Variants in ANXA8 observed in about 807,000 individuals in gnomAD.
The protein encoded by ANXA8 is VAC-beta.
ANXA8 carries 9 observed loss-of-function variants against 26.8 expected under a neutral mutation model. The ratio of observed to expected loss-of-function variants is 0.34; its 90% CI spans 0.20 to 0.59. ANXA8 has a LOEUF of 0.59. Among genes scored for constraint, ANXA8 ranks in the 20% least tolerant of loss-of-function variants. The probability of loss-of-function intolerance (pLI) is 0.84; values close to 1 mark genes in which losing one functional copy is unlikely to be tolerated. For missense variants in ANXA8, 83 were observed against 238.5 expected, an observed-to-expected ratio of 0.35 and a Z score of 4.29; for synonymous variants, 39 against 94.8, an observed-to-expected ratio of 0.41 and a Z score of 3.42.
upstream of ANXA8, among the ~76,000 whole-genome samples, chr10:47,488,790 C>T (rs1392678032): frequency 3.3e-5 from 4 of 122,996 alleles, no homozygotes; most frequent in Admixed American, 1.0e-4. Flanking sequence ...TGCAGTGTCG[C>T]GATCTCGGCT....
the ANXA8 span, among the ~76,000 whole-genome samples, chr10:47,623,270 T>C: frequency 9.1e-6 from 1 of 110,036 alleles, no homozygotes; most frequent in East Asian, 2.2e-4. Context: ...AAATGCCCAA[T>C]GTTTCCACTT....
the ANXA8 span, among the ~76,000 whole-genome samples, chr10:47,589,767 C>T: frequency 1.7e-4 from 25 of 145,206 alleles, 3 homozygotes; most frequent in African/African-American, 7.1e-4. Flanking sequence ...TATTGCTGCC[C>T]ACATTTGCCT....
the ANXA8 span, among the ~76,000 whole-genome samples, chr10:47,554,973 C>A: frequency 6.6e-6 from 1 of 151,522 alleles, no homozygotes; most frequent in East Asian, 2.0e-4. Context: ...CAGCTTCCCC[C>A]TCCCTCCATG....
chr10:47,742,892 C>T, the ANXA8 span, among the ~76,000 whole-genome samples: 1 of 142,772 alleles, frequency 7.0e-6, no homozygotes, highest in African/African-American at 2.6e-5. Flanking sequence ...CAGTGGCTCA[C>T]GCCTGTAATC....
At chr10:47,707,300 A>G in the ANXA8 span, among the ~76,000 whole-genome samples, 29 of 143,840 alleles carry the variant, frequency 2.0e-4, no homozygotes, top group Middle Eastern at 7.0e-3. Flanking sequence ...GTGTTTTTGG[A>G]AAGGACTTCT....
the ANXA8 span, among the ~76,000 whole-genome samples, chr10:47,625,779 T>C: frequency 1.3e-4 from 20 of 150,544 alleles, no homozygotes; most frequent in East Asian, 3.9e-3. Context: ...AAATGTATTG[T>C]TATTCGCCGT....
At chr10:47,481,530 C>T (rs1419003090) in intron 1 of ANXA8, among the ~76,000 whole-genome samples, 11 of 149,010 alleles carry the variant, frequency 7.4e-5, no homozygotes, top group African/African-American at 2.7e-4. Flanking sequence ...CATCTCAGCT[C>T]TCAGTGCCTG....
At chr10:47,485,485 G>A (rs1265572258), upstream of ANXA8, among the ~76,000 whole-genome samples, 1 of 152,132 alleles carries the variant, frequency 6.6e-6, no homozygotes, top group Non-Finnish European at 1.5e-5. Flanking sequence ...CCAAAGCTAA[G>A]ACATTGGCTA....
At chr10:47,743,327 T>TATATATATACATATATATATACAC in the ANXA8 span, among the ~76,000 whole-genome samples, 6 of 40,332 alleles carry the variant, frequency 1.5e-4, 1 homozygote, top group Admixed American at 3.3e-4. Context: ...TATATATATA[T>TATATATATACATATATATATACAC]ACATATATAT....
the ANXA8 span, among the ~76,000 whole-genome samples, chr10:47,627,550 C>A: frequency 2.0e-3 from 304 of 149,922 alleles, 6 homozygotes; most frequent in Non-Finnish European, 2.9e-3. Flanking sequence ...ATCTCCACCA[C>A]TGGCATTTAT....
chr10:47,779,137 A>G, the ANXA8 span, among the ~76,000 whole-genome samples: 1 of 138,292 alleles, frequency 7.2e-6, no homozygotes, highest in African/African-American at 2.8e-5. Flanking sequence ...TATAGCCCAT[A>G]GGCAAAGGGA....
the ANXA8 span, among the ~76,000 whole-genome samples, chr10:47,530,619 G>A: frequency 6.6e-6 from 1 of 151,246 alleles, no homozygotes; most frequent in South Asian, 2.1e-4. Context: ...CTTGAACCCG[G>A]GAGGCAGAGG....
At chr10:47,639,314 A>ATTTTTT in the ANXA8 span, among the ~76,000 whole-genome samples, 1 of 75,344 alleles carries the variant, frequency 1.3e-5, no homozygotes, top group African/African-American at 5.3e-5. Context: ...TATTATTATT[A>ATTTTTT]TTTTTTTTTT....
chr10:47,536,486 T>C, the ANXA8 span, among the ~76,000 whole-genome samples: 1 of 108,600 alleles, frequency 9.2e-6, no homozygotes. Context: ...TACGGGAGTG[T>C]AATAAATTTG....
the ANXA8 span, chr10:47,491,728 T>C: frequency 6.5e-7 from 1 of 1,544,986 alleles, no homozygotes; most frequent in South Asian, 1.2e-5. Flanking sequence ...CCCAACATGC[T>C]TTTATAGCTG....
the ANXA8 span, among the ~76,000 whole-genome samples, chr10:47,489,430 T>C: frequency 1.3e-5 from 2 of 150,568 alleles, no homozygotes; most frequent in Non-Finnish European, 3.0e-5. Flanking sequence ...GTCTGTGGCC[T>C]CTGATGAGCA....
At chr10:47,643,453 C>G in the ANXA8 span, among the ~76,000 whole-genome samples, 1 of 146,218 alleles carries the variant, frequency 6.8e-6, no homozygotes, top group Non-Finnish European at 1.5e-5. Context: ...CGCTTGAACC[C>G]CAGAGGCAGA....
chr10:47,694,266 G>A, the ANXA8 span, among the ~76,000 whole-genome samples: 1 of 150,788 alleles, frequency 6.6e-6, no homozygotes, highest in Non-Finnish European at 1.5e-5. Flanking sequence ...ACCGAATTCT[G>A]AATAAGTTTC....
the ANXA8 span, among the ~76,000 whole-genome samples, chr10:47,677,005 A>AC: frequency 7.9e-6 from 1 of 126,510 alleles, no homozygotes. Context: ...AAAAAAAAAA[A>AC]AACAACCTGT....
Sources: gnomAD v4.1 joint callset for allele counts (sites outside exome capture counted in the v4.1 genomes callset) on GRCh38, gnomAD v4.1.1 for gene constraint, MANE v1.5 for transcripts, NCBI Gene and HGNC (gene_info 2026-07-23, HGNC 2026-07-21) for gene names.